RGS12: variants seen among roughly 807,000 people sequenced by gnomAD.
RGS12 encodes regulator of G-protein signaling 12.
Under a neutral mutation model 120.1 loss-of-function variants are expected in RGS12, and 66 were observed. That is an observed-to-expected ratio of 0.55 (90% CI 0.45 to 0.67). RGS12 has a LOEUF of 0.67. Ranked by LOEUF, RGS12 falls within the 30% of genes least tolerant of loss-of-function variation. The pLI, the probability that RGS12 is intolerant of heterozygous loss-of-function variation, is 0.00. For synonymous variants in RGS12, 827 were observed against 804.7 expected (o/e 1.03, Z -0.47); for missense variants, 1,859 against 1,957.7 (o/e 0.95, Z 0.95).
intron 1 of RGS12, among the ~76,000 whole-genome samples, chr4:3,295,296 G>T (rs1723315128): frequency 2.0e-5 from 3 of 152,194 alleles, no homozygotes; most frequent in African/African-American, 7.2e-5. Flanking sequence ...GGGCTCTGCA[G>T]GCCTGGTTGA....
chr4:3,360,170 C>T (rs929561909), intron 3 of RGS12, among the ~76,000 whole-genome samples: 1 of 152,164 alleles, frequency 6.6e-6, no homozygotes, highest in Non-Finnish European at 1.5e-5. Flanking sequence ...CACAGTACTC[C>T]TCTATAATTC....
chr4:3,314,689 C>G (rs1724619844), intron 1 of RGS12: 1 of 152,262 alleles, frequency 6.6e-6, no homozygotes, highest in Admixed American at 6.5e-5. Context: ...TAGGCGTGAG[C>G]CACCGCACCT....
At chr4:3,342,890 A>T (rs375100857) in intron 2 of RGS12, 47 bp from the exon 3 acceptor site, 36 of 1,283,176 alleles carry the variant, frequency 2.8e-5, no homozygotes, top group Middle Eastern at 1.8e-4. Flanking sequence ...AAGACTAAAC[A>T]TCTCTTTGCA....
intron 2 of RGS12, among the ~76,000 whole-genome samples, chr4:3,318,522 T>C (rs1390358850): frequency 6.6e-6 from 1 of 152,202 alleles, no homozygotes; most frequent in Non-Finnish European, 1.5e-5. Context: ...GTTTCCTCCA[T>C]GGGGAATATC....
chr4:3,314,252 A>G (rs1724592134), intron 1 of RGS12: 1 of 152,108 alleles, frequency 6.6e-6, no homozygotes, highest in South Asian at 2.1e-4. Context: ...GGAGTCACCT[A>G]GTAATAGCCT....
chr4:3,368,417 A>T (rs1205452007), intron 3 of RGS12, among the ~76,000 whole-genome samples: 18 of 37,308 alleles, frequency 4.8e-4, no homozygotes, highest in African/African-American at 1.5e-3. Context: ...TGTGTGTGTG[A>T]GTGCCTGTGT....
chr4:3,357,451 T>A (rs1488013105), intron 3 of RGS12, among the ~76,000 whole-genome samples: 1 of 152,194 alleles, frequency 6.6e-6, no homozygotes, highest in African/African-American at 2.4e-5. Context: ...CATTGCCAAA[T>A]CCAATGTCTT....
At chr4:3,361,054 G>A (rs1715507249) in intron 3 of RGS12, among the ~76,000 whole-genome samples, 1 of 152,252 alleles carries the variant, frequency 6.6e-6, no homozygotes, top group South Asian at 2.1e-4. Context: ...AGGACAGATA[G>A]CCTGTGATTT....
chr4:3,430,710 C>G lies in RGS12; in HGVS notation c.3869C>G (p.Pro1290Arg). ...CCTGGACCTCCTGGGACGACCCCCC[C>G]CGGGCAGAAGTCTCCCAGCGGGCCC... ...SPPGPPGTTP[P>R]GQKSPSGPFC... is the part of the protein sequence containing the mutation. The change falls in exon 17 of 18, where the codon CCC becomes CGC. Residue 1290 changes from proline to arginine, a missense_variant. Coordinates refer to ENST00000336727, the MANE Select transcript of RGS12 (RefSeq NM_001394154.1). 6.3e-7 allele frequency: 1 copy of G among 1,581,572 alleles called. No individual in the cohort carries two copies. The highest frequency in any genetic ancestry group is 8.6e-7 in the Non-Finnish European group (1 of 1,163,754).
chr4:3,288,685 T>G (rs1722952866), upstream of RGS12, among the ~76,000 whole-genome samples: 1 of 152,134 alleles, frequency 6.6e-6, no homozygotes, highest in Non-Finnish European at 1.5e-5. This position sits in a 1 kb window ranked among gnomAD's most constrained non-coding sequence, Gnocchi z 5.2. Context: ...AAGGGAAGGC[T>G]AGGGAAACAC....
chr4:3,408,659 G>A (rs778462008), intron 4 of RGS12, among the ~76,000 whole-genome samples: 3 of 152,188 alleles, frequency 2.0e-5, no homozygotes, highest in African/African-American at 7.2e-5. Flanking sequence ...AGCAGGTCCC[G>A]TCTGTGCCCT....
chr4:3,412,090 G>C (rs1460430877), intron 4 of RGS12, among the ~76,000 whole-genome samples: 1 of 152,174 alleles, frequency 6.6e-6, no homozygotes, highest in Non-Finnish European at 1.5e-5. Flanking sequence ...ACTTCCTTTC[G>C]GTCTTCTTTT....
intron 3 of RGS12, among the ~76,000 whole-genome samples, chr4:3,364,432 G>T (rs960733645): frequency 6.6e-6 from 1 of 152,124 alleles, no homozygotes; most frequent in African/African-American, 2.4e-5. Context: ...CATGGAGGTC[G>T]GGCCGCACTG....
intron 13 of RGS12, 106 bp downstream of exon 13, chr4:3,423,747 T>A (rs1460891697): frequency 2.9e-6 from 4 of 1,390,954 alleles, no homozygotes; most frequent in Non-Finnish European, 3.9e-6. Flanking sequence ...AGCGGTGTCT[T>A]CCCCTGATCT....
At chr4:3,332,917 C>G (rs904937894) in intron 2 of RGS12, among the ~76,000 whole-genome samples, 1 of 152,094 alleles carries the variant, frequency 6.6e-6, no homozygotes, top group Non-Finnish European at 1.5e-5. Context: ...CTCCGCCTCC[C>G]TGGGTTCAAG....
chr4:3,333,316 T>G (rs976197263), intron 2 of RGS12, among the ~76,000 whole-genome samples: 2 of 152,180 alleles, frequency 1.3e-5, no homozygotes, highest in Non-Finnish European at 2.9e-5. Flanking sequence ...CCCAAAGTGC[T>G]GGGATTACAG....
At chr4:3,300,741 C>T (rs1723640637) in intron 1 of RGS12, among the ~76,000 whole-genome samples, 1 of 152,258 alleles carries the variant, frequency 6.6e-6, no homozygotes, top group South Asian at 2.1e-4. Context: ...GTGGCATTCT[C>T]TCACGTGGCT....
chr4:3,431,890 G>T, intron 17 of RGS12: 1 of 985,550 alleles, frequency 1.0e-6, no homozygotes, highest in Non-Finnish European at 1.2e-6. Flanking sequence ...CAGACCTGTA[G>T]CCTGGACCTC....
chr4:3,398,419 G>C (rs1166451199), intron 4 of RGS12, among the ~76,000 whole-genome samples: 2 of 152,150 alleles, frequency 1.3e-5, no homozygotes, highest in African/African-American at 2.4e-5. Context: ...GCTCACTTGA[G>C]GCCAAAAGTT....
Sources: allele counts gnomAD v4.1 joint callset (sites outside exome capture counted in the v4.1 genomes callset), GRCh38; gene constraint gnomAD v4.1.1; non-coding constraint Gnocchi (gnomAD v3.1); transcripts MANE v1.5; gene names NCBI Gene and HGNC (gene_info 2026-07-23, HGNC 2026-07-21).